SLC25A12: variants seen among roughly 807,000 people sequenced by gnomAD.
SLC25A12 encodes the protein solute carrier family 25 member 12, also known as electrogenic aspartate/glutamate antiporter SLC25A12, mitochondrial.
SLC25A12 carries 32 observed loss-of-function variants against 83.3 expected under a neutral mutation model. The observed-to-expected ratio is 0.38, with a 90% CI of 0.29 to 0.52. The LOEUF (loss-of-function observed/expected upper bound fraction) is 0.52, where lower values mean the gene tolerates loss of function less well. Ranked by LOEUF, SLC25A12 falls within the 20% of genes least tolerant of loss-of-function variation. The probability of loss-of-function intolerance (pLI) is 0.84; values close to 1 mark genes in which losing one functional copy is unlikely to be tolerated. For synonymous variants in SLC25A12, 267 were observed against 291.1 expected, an observed-to-expected ratio of 0.92 and a Z score of 0.84; for missense variants, 611 against 835.6, an observed-to-expected ratio of 0.73 and a Z score of 3.31.
intron 2 of SLC25A12, among the ~76,000 whole-genome samples, chr2:171,885,322 C>T (rs1217807851): frequency 2.0e-5 from 3 of 151,110 alleles, no homozygotes; most frequent in Non-Finnish European, 4.4e-5. Flanking sequence ...GCCTTTAATG[C>T]CTAATACTGT....
At chr2:171,894,086 A>C in intron 1 of SLC25A12, 117 bp downstream of exon 1, 1 of 1,377,100 alleles carries the variant, frequency 7.3e-7, no homozygotes, top group Non-Finnish European at 1.0e-6. Flanking sequence ...CCGGAGCCCC[A>C]GGACAAGCTA....
chr2:171,867,840 A>T (rs1167325242), intron 3 of SLC25A12, among the ~76,000 whole-genome samples: 2 of 151,998 alleles, frequency 1.3e-5, no homozygotes, highest in Non-Finnish European at 2.9e-5. Context: ...AAACAACAAA[A>T]TTTTTTTTAA....
chr2:171,844,231 T>C, intron 5 of SLC25A12, 138 bp downstream of exon 5: 1 of 821,216 alleles, frequency 1.2e-6, no homozygotes, highest in Non-Finnish European at 1.9e-6. Flanking sequence ...AGAAGTTGTC[T>C]CTGGCGAGGG....
intron 2 of SLC25A12, among the ~76,000 whole-genome samples, chr2:171,870,311 C>T (rs1363922788): frequency 6.6e-6 from 1 of 152,076 alleles, no homozygotes; most frequent in Non-Finnish European, 1.5e-5. Flanking sequence ...ATATAGACAT[C>T]AAATATTAAT....
chr2:171,878,546 T>C (rs1685618672), intron 2 of SLC25A12, among the ~76,000 whole-genome samples: 1 of 152,198 alleles, frequency 6.6e-6, no homozygotes. Context: ...TGGCTTCCAG[T>C]ATTCCTGGGC....
At chr2:171,857,765 C>A (rs921461135) in intron 3 of SLC25A12, among the ~76,000 whole-genome samples, 1 of 151,600 alleles carries the variant, frequency 6.6e-6, no homozygotes, top group Admixed American at 6.6e-5. Context: ...ATGTCATGAA[C>A]CTGTAGTCCC....
At chr2:171,786,873 CAG>C (rs1308382834) in intron 17 of SLC25A12, among the ~76,000 whole-genome samples, 1 of 152,058 alleles carries the variant, frequency 6.6e-6, no homozygotes, top group African/African-American at 2.4e-5. Context: ...AATGAAATAT[CAG>C]AGATGCAAAA....
intron 2 of SLC25A12, among the ~76,000 whole-genome samples, chr2:171,876,547 G>GA (rs1685577322): frequency 1.9e-5 from 1 of 53,746 alleles, no homozygotes; most frequent in Non-Finnish European, 5.6e-5. Flanking sequence ...TTTTTTTGGG[G>GA]GGGGGGGGAC....
intron 11 of SLC25A12, among the ~76,000 whole-genome samples, chr2:171,812,469 C>T (rs978504420): frequency 5.3e-5 from 8 of 152,114 alleles, no homozygotes; most frequent in Non-Finnish European, 1.2e-4. Context: ...TGGACTTGAG[C>T]ATGTAGAGAG....
intron 7 of SLC25A12, 22 bp from the exon 8 acceptor site, chr2:171,834,078 T>C (rs1230599477): frequency 7.1e-7 from 1 of 1,401,188 alleles, no homozygotes; most frequent in Non-Finnish European, 1.0e-6. Flanking sequence ...AAAAAAAAAG[T>C]TAAAATCTTG....
At chr2:171,835,913 T>C (rs528313452) in intron 6 of SLC25A12, among the ~76,000 whole-genome samples, 1 of 152,218 alleles carries the variant, frequency 6.6e-6, no homozygotes, top group Non-Finnish European at 1.5e-5. Context: ...AGGATTAGAA[T>C]TGACTTTTGG....
intron 3 of SLC25A12, among the ~76,000 whole-genome samples, chr2:171,866,698 C>T (rs1360650435): frequency 7.4e-6 from 1 of 135,432 alleles, no homozygotes; most frequent in Non-Finnish European, 1.6e-5. Context: ...TCCTCACTTC[C>T]CAGTAGGGGC....
chr2:171,828,319 G>A (rs1684355211), intron 8 of SLC25A12, among the ~76,000 whole-genome samples: 1 of 152,162 alleles, frequency 6.6e-6, no homozygotes, highest in African/African-American at 2.4e-5. Context: ...ATTGGCAGTG[G>A]CAGCTCTTCC....
intron 3 of SLC25A12, among the ~76,000 whole-genome samples, chr2:171,862,318 T>A (rs147165079): frequency 6.6e-6 from 1 of 152,260 alleles, no homozygotes; most frequent in Non-Finnish European, 1.5e-5. Flanking sequence ...CTCTGAGATC[T>A]GCATTAAATG....
At chr2:171,844,304 A>T (rs1168379476) in intron 5 of SLC25A12, 65 bp downstream of exon 5, 66 of 1,528,600 alleles carry the variant, frequency 4.3e-5, no homozygotes, top group Non-Finnish European at 5.8e-5. Flanking sequence ...TAAACTTAAT[A>T]AATACAAAGC....
chr2:171,789,253 C>CGG (rs1468269410), intron 15 of SLC25A12, among the ~76,000 whole-genome samples: 1 of 151,778 alleles, frequency 6.6e-6, no homozygotes, highest in Non-Finnish European at 1.5e-5. Flanking sequence ...TTTTTTGAGA[C>CGG]AGTCTCACTC....
At chr2:171,829,446 C>A (rs568992066) in intron 8 of SLC25A12, among the ~76,000 whole-genome samples, 3 of 152,190 alleles carry the variant, frequency 2.0e-5, no homozygotes, top group Admixed American at 2.0e-4. Flanking sequence ...GGGGCAATGG[C>A]AACCACCCCC....
At chr2:171,818,780 C>T (rs1361497060) in intron 9 of SLC25A12, among the ~76,000 whole-genome samples, 2 of 151,944 alleles carry the variant, frequency 1.3e-5, no homozygotes, top group African/African-American at 4.8e-5. Context: ...CTGCCCAAAC[C>T]ACACTGCCAA....
chr2:171,880,997 C>G lies in SLC25A12; in HGVS notation c.67-12174G>C, dbSNP rs142784327. On this transcript the variant is annotated intron_variant, in intron 2 of 17. Coordinates refer to ENST00000422440, the MANE Select transcript of SLC25A12 (RefSeq NM_003705.5). The stretch of plus-strand genomic sequence containing the variant: ...TCATCTGTAAAATGGGAATACTAAT[C>G]GTTCCTACCTTATAGAGTTGTTCTG... 4.9e-3 allele frequency among the ~76,000 whole-genome samples: 740 copies of G among 152,272 alleles called. 8 individuals are homozygous for G. The highest frequency in any genetic ancestry group is 0.017 in the African/African-American group (701 of 41,546).
Sources: allele counts gnomAD v4.1 joint callset (sites outside exome capture counted in the v4.1 genomes callset), GRCh38; gene constraint gnomAD v4.1.1; transcripts MANE v1.5; gene names NCBI Gene and HGNC (gene_info 2026-07-23, HGNC 2026-07-21).